ROBO1: variants seen among roughly 807,000 people sequenced by gnomAD.
ROBO1 encodes roundabout homolog 1.
A neutral mutation model predicts 195.9 loss-of-function variants in ROBO1; 149 were observed. The observed-to-expected ratio is 0.76, with a 90% CI of 0.67 to 0.87. The LOEUF is 0.87. Ranked by LOEUF, ROBO1 falls within the 40% of genes least tolerant of loss-of-function variation. The pLI is 0.00. For missense variants in ROBO1, 1,933 were observed against 2,068.3 expected, an observed-to-expected ratio of 0.93 and a Z score of 1.27; for synonymous variants, 816 against 733.2, an observed-to-expected ratio of 1.11 and a Z score of -1.82.
intron 4 of ROBO1, among the ~76,000 whole-genome samples, chr3:78,900,786 A>C (rs992896067): frequency 8.5e-5 from 13 of 152,174 alleles, no homozygotes; most frequent in African/African-American, 3.1e-4. Flanking sequence ...GAATATGTTA[A>C]CCAATTTCCA....
chr3:79,307,057 C>G (rs932226002), intron 2 of ROBO1, among the ~76,000 whole-genome samples: 2 of 148,498 alleles, frequency 1.3e-5, no homozygotes, highest in African/African-American at 5.0e-5. Flanking sequence ...GTTCTTAGTT[C>G]TTCAGGAAAA....
At chr3:78,898,326 T>C (rs1434826414) in intron 4 of ROBO1, among the ~76,000 whole-genome samples, 1 of 148,942 alleles carries the variant, frequency 6.7e-6, no homozygotes. Context: ...CTATGGACTA[T>C]ATATATAGAG....
rs540119399 is a variant in ROBO1 at position 79,670,163 on chromosome 3, C to A, written c.-50-80202G>T. ...GAATCTATATTATTATCCATAGATGCCATAAATAAGATATAGGATATTTTC... is the reference window on the plus strand; with the variant it reads ...GAATCTATATTATTATCCATAGATGACATAAATAAGATATAGGATATTTTC... On this transcript the variant is annotated intron_variant, in intron 1 of 30. Transcript: ENST00000464233. 5.3e-5 allele frequency among the ~76,000 whole-genome samples: 8 copies of A among 151,880 alleles called. No individual in the cohort carries two copies. The South Asian group carries it at 1.7e-3, about 31-fold the overall frequency.
At chr3:78,711,350 C>CCTTTCTTTCTTTCTTTCTTTCTTT (rs1302958232) in intron 8 of ROBO1, among the ~76,000 whole-genome samples, 4 of 46,864 alleles carry the variant, frequency 8.5e-5, no homozygotes, top group South Asian at 9.5e-4. Context: ...CTTCCTTCCT[C>CCTTTCTTTCTTTCTTTCTTTCTTT]CTTCCTTCCT....
rs189708658 is a variant in ROBO1 at position 78,811,387 on chromosome 3, G to A, written c.500-64487C>T. Among the ~76,000 whole-genome samples, 550 of 152,166 alleles carry A rather than the reference G, an allele frequency of 3.6e-3. 4 individuals carry two copies. The highest frequency in any genetic ancestry group is 0.012 in the African/African-American group (506 of 41,514). On this transcript the variant is annotated intron_variant, in intron 4 of 30. Transcript: ENST00000464233. ...GTAATTCACTCTTTAATTGAAAAAC[G>A]TTTGCTACTTGGAAGTATTTCCATG...
chr3:78,792,685 T>G (rs2084057161), intron 4 of ROBO1, among the ~76,000 whole-genome samples: 2 of 152,206 alleles, frequency 1.3e-5, no homozygotes, highest in South Asian at 4.1e-4. Context: ...TAAAACAAAT[T>G]TAAATTAATA....
intron 3 of ROBO1, among the ~76,000 whole-genome samples, chr3:79,091,730 A>G (rs2079483633): frequency 6.6e-6 from 1 of 152,156 alleles, no homozygotes; most frequent in Non-Finnish European, 1.5e-5. Flanking sequence ...AACTTGAGGG[A>G]ACAAACCATG....
chr3:79,424,024 T>C (rs377762579), intron 2 of ROBO1, among the ~76,000 whole-genome samples: 219 of 152,182 alleles, frequency 1.4e-3, no homozygotes, highest in Middle Eastern at 3.4e-3. Flanking sequence ...TATAAATATA[T>C]GATGTCTTAG....
At chr3:78,715,466 G>A (rs531562927) in intron 7 of ROBO1, among the ~76,000 whole-genome samples, 44 of 152,116 alleles carry the variant, frequency 2.9e-4, no homozygotes, top group East Asian at 1.2e-3. Context: ...CACAAAAATC[G>A]TGTCCCTGCC....
intron 3 of ROBO1, among the ~76,000 whole-genome samples, chr3:79,024,687 C>T (rs976617225): frequency 1.3e-5 from 2 of 152,164 alleles, no homozygotes; most frequent in African/African-American, 4.8e-5. Context: ...TATGAGAAAT[C>T]TTGTCTCTTT....
At position 79,547,184 on chromosome 3, in the gene ROBO1, C is replaced by CAAAAA. The variant is rs1162585941; in HGVS notation, c.88+42635_88+42639dup. Among the ~76,000 whole-genome samples, 64 of 23,276 alleles carry CAAAAA rather than the reference C, an allele frequency of 2.7e-3. 8 individuals are homozygous for CAAAAA. The highest frequency in any genetic ancestry group is 0.021 in the East Asian group (10 of 484). 15.3% of individuals were successfully genotyped at this position (23,276 alleles called of 152,430 possible). Reference sequence around the variant, plus strand: ...TGGCAGACAGAGCGAGACTCCGCCTCAAAAAAAAAAAAAAAAAAAAAAAAA... The same window carrying CAAAAA: ...TGGCAGACAGAGCGAGACTCCGCCTCAAAAAAAAAAAAAAAAAAAAAAAAAAAAAA... On this transcript the variant is annotated intron_variant, in intron 2 of 30. Coordinates refer to ENST00000464233, the MANE Select transcript of ROBO1 (RefSeq NM_002941.4).
chr3:79,283,860 G>C (rs1422053441), intron 2 of ROBO1, among the ~76,000 whole-genome samples: 2 of 151,624 alleles, frequency 1.3e-5, no homozygotes, highest in Non-Finnish European at 2.9e-5. Context: ...ACCACGCCCG[G>C]CTAATTTTTT....
intron 1 of ROBO1, among the ~76,000 whole-genome samples, chr3:79,686,215 A>G (rs1333852926): frequency 2.0e-5 from 3 of 152,316 alleles, no homozygotes; most frequent in African/African-American, 7.2e-5. Flanking sequence ...TTGATGGGAC[A>G]TATCTCAAAA....
intron 4 of ROBO1, among the ~76,000 whole-genome samples, chr3:78,911,846 C>A (rs2038262891): frequency 6.6e-6 from 1 of 151,946 alleles, no homozygotes; most frequent in Non-Finnish European, 1.5e-5. Context: ...GCAAAGCAGG[C>A]AAAACTATTA....
chr3:79,507,437 A>G (rs1028026416), intron 2 of ROBO1, among the ~76,000 whole-genome samples: 1 of 152,198 alleles, frequency 6.6e-6, no homozygotes, highest in African/African-American at 2.4e-5. Context: ...ACAAAAGGCC[A>G]TATCAAGAGG....
At chr3:79,563,134 C>T (rs746297068) in intron 2 of ROBO1, among the ~76,000 whole-genome samples, 5 of 151,948 alleles carry the variant, frequency 3.3e-5, no homozygotes, top group Non-Finnish European at 7.4e-5. Context: ...AAAAACATTG[C>T]ACGTGGACAT....
At chr3:78,672,434 A>G (rs1015603588) in intron 10 of ROBO1, among the ~76,000 whole-genome samples, 1 of 151,810 alleles carries the variant, frequency 6.6e-6, no homozygotes, top group East Asian at 1.9e-4. Context: ...AAATAAAAAT[A>G]AAAATAAATT....
chr3:79,244,953 A>ACGTAAGTGG (rs1350725821), intron 2 of ROBO1, among the ~76,000 whole-genome samples: 1 of 152,104 alleles, frequency 6.6e-6, no homozygotes, highest in Non-Finnish European at 1.5e-5. Flanking sequence ...TTACAACAAG[A>ACGTAAGTGG]CGTAAGTGGC....
chr3:79,605,572 T>A (rs1944456803), intron 1 of ROBO1, among the ~76,000 whole-genome samples: 1 of 151,988 alleles, frequency 6.6e-6, no homozygotes, highest in East Asian at 1.9e-4. Flanking sequence ...ATTCAGGTAC[T>A]CAGGCTAGAT....
Sources: allele counts gnomAD v4.1 joint callset (sites outside exome capture counted in the v4.1 genomes callset), GRCh38; gene constraint gnomAD v4.1.1; transcripts MANE v1.5; gene names NCBI Gene and HGNC (gene_info 2026-07-23, HGNC 2026-07-21).